The following NOS1AP variants were observed in gnomAD, a reference collection of about 807,000 sequenced individuals.
NOS1AP encodes the protein carboxyl-terminal PDZ ligand of neuronal nitric oxide synthase protein.
A neutral mutation model predicts 56.2 loss-of-function variants in NOS1AP; 21 were observed. That is an observed-to-expected ratio of 0.37 (90% CI 0.26 to 0.54). NOS1AP has a LOEUF of 0.54. Ranked by LOEUF, NOS1AP falls within the 20% of genes least tolerant of loss-of-function variation. The probability of loss-of-function intolerance (pLI) is 0.84; values close to 1 mark genes in which losing one functional copy is unlikely to be tolerated. For synonymous variants in NOS1AP, 270 were observed against 274.6 expected, an observed-to-expected ratio of 0.98 and a Z score of 0.17; for missense variants, 522 against 657.8, an observed-to-expected ratio of 0.79 and a Z score of 2.26.
chr1:162,214,532 AT>A lies in NOS1AP; in HGVS notation c.177+60065del, dbSNP rs560618867. Among the ~76,000 whole-genome samples the A allele has an allele frequency of 4.2e-3, 632 of 151,550 alleles. 3 individuals carry two copies. The highest frequency in any genetic ancestry group is 0.015 in the African/African-American group (607 of 41,288). ...TCTGAGTTTTGATTTTCCCTTCATA[AT>A]TTTTTTTTCTGTTCAAAAATAATTC... On this transcript the variant is annotated intron_variant, in intron 2 of 9. Coordinates refer to ENST00000361897, the MANE Select transcript of NOS1AP (RefSeq NM_014697.3).
intron 1 of NOS1AP, among the ~76,000 whole-genome samples, chr1:162,090,385 C>T (rs1692105651): frequency 6.8e-6 from 1 of 147,918 alleles, no homozygotes. Context: ...AAAAAAAAGT[C>T]TGAGAATTTT....
chr1:162,168,636 G>A (rs1206550911), intron 2 of NOS1AP, among the ~76,000 whole-genome samples: 7 of 151,372 alleles, frequency 4.6e-5, no homozygotes, highest in Non-Finnish European at 1.0e-4. Context: ...CTTGTGGGCA[G>A]GGGGGTGTGT....
At chr1:162,344,072 T>G in intron 6 of NOS1AP, 96 bp downstream of exon 6, 3 of 1,341,652 alleles carry the variant, frequency 2.2e-6, no homozygotes, top group Non-Finnish European at 3.2e-6. Context: ...GTGAACTCAT[T>G]TTAAGAAACA....
chr1:162,298,534 A>G (rs1207422543), intron 3 of NOS1AP, among the ~76,000 whole-genome samples: 1 of 152,236 alleles, frequency 6.6e-6, no homozygotes, highest in Non-Finnish European at 1.5e-5. Context: ...TTCTGGGGGT[A>G]ATAAGGTGGC....
At chr1:162,306,968 A>G (rs1384672558) in intron 4 of NOS1AP, among the ~76,000 whole-genome samples, 1 of 152,176 alleles carries the variant, frequency 6.6e-6, no homozygotes, top group Non-Finnish European at 1.5e-5. Context: ...TGTCTCAAAA[A>G]AAAAAAAAAT....
chr1:162,117,185 C>T (rs1046077617), intron 1 of NOS1AP, among the ~76,000 whole-genome samples: 1 of 152,102 alleles, frequency 6.6e-6, no homozygotes, highest in Non-Finnish European at 1.5e-5. Context: ...GACAGGAGCT[C>T]ATTTTATGCA....
rs75782790 is a variant in NOS1AP at position 162,181,262 on chromosome 1, G to A, written c.177+26786G>A. ...GGATTTGAATATCTTTGAATATTAA[G>A]ACACACCTTTGAGAAAATGAAAGCT... On this transcript the variant is annotated intron_variant, in intron 2 of 9. Transcript: ENST00000361897. Among the ~76,000 whole-genome samples, 1,191 of 152,288 alleles carry A rather than the reference G, an allele frequency of 7.8e-3. 5 individuals are homozygous for A. Among genetic ancestry groups the A allele is most frequent in the Non-Finnish European group, 0.013 (900 of 68,020 alleles).
At chr1:162,090,158 T>TA (rs1340290590) in intron 1 of NOS1AP, among the ~76,000 whole-genome samples, 1 of 151,890 alleles carries the variant, frequency 6.6e-6, no homozygotes, top group Non-Finnish European at 1.5e-5. Flanking sequence ...TGATTTTTTT[T>TA]TTCTGAATGT....
At chr1:162,305,043 T>A (rs1470929561) in intron 4 of NOS1AP, among the ~76,000 whole-genome samples, 1 of 152,198 alleles carries the variant, frequency 6.6e-6, no homozygotes, top group African/African-American at 2.4e-5. Flanking sequence ...AATGAATTTT[T>A]AATTTTTTAT....
At chr1:162,217,991 G>A (rs1557836630) in intron 2 of NOS1AP, among the ~76,000 whole-genome samples, 1 of 152,176 alleles carries the variant, frequency 6.6e-6, no homozygotes, top group East Asian at 1.9e-4. Context: ...AGGCAGTGCT[G>A]TTCTTCTTGC....
intron 4 of NOS1AP, among the ~76,000 whole-genome samples, chr1:162,316,119 G>A (rs1218184366): frequency 6.6e-6 from 1 of 152,120 alleles, no homozygotes; most frequent in Non-Finnish European, 1.5e-5. Flanking sequence ...ATGAACGAAC[G>A]AATGAATGAA....
chr1:162,210,758 G>A (rs1652325161), intron 2 of NOS1AP, among the ~76,000 whole-genome samples: 1 of 152,220 alleles, frequency 6.6e-6, no homozygotes, highest in Admixed American at 6.5e-5. Flanking sequence ...ATTTGCTCTG[G>A]TTGGCAGGGC....
At chr1:162,194,268 T>C (rs1302798599) in intron 2 of NOS1AP, among the ~76,000 whole-genome samples, 1 of 152,110 alleles carries the variant, frequency 6.6e-6, no homozygotes, top group African/African-American at 2.4e-5. Flanking sequence ...ATTACTACTT[T>C]AATAGAGCAG....
chr1:162,091,980 T>A (rs1222503735), intron 1 of NOS1AP, among the ~76,000 whole-genome samples: 1 of 152,128 alleles, frequency 6.6e-6, no homozygotes, highest in Non-Finnish European at 1.5e-5. Context: ...ACCTCAGAGA[T>A]CACCTCTGAG....
intron 6 of NOS1AP, among the ~76,000 whole-genome samples, chr1:162,348,409 C>T (rs1210615565): frequency 6.6e-6 from 1 of 152,242 alleles, no homozygotes; most frequent in East Asian, 1.9e-4. Flanking sequence ...AGTGTGGTCA[C>T]ACTCCTTGAT....
rs76405606 is a variant in NOS1AP, at chr1:162,190,711, T to C, written c.177+36235T>C. Among the ~76,000 whole-genome samples, 428 of 152,314 alleles carry C rather than the reference T, an allele frequency of 2.8e-3. 3 individuals are homozygous for C. The highest frequency in any genetic ancestry group is 9.8e-3 in the African/African-American group (407 of 41,566). Reference sequence around the variant, plus strand: ...GGAGAAGTCTGGGACTTAGTCCTCCTATGTAGCGTAATTTTGTATCCTTTG... The same window carrying C: ...GGAGAAGTCTGGGACTTAGTCCTCCCATGTAGCGTAATTTTGTATCCTTTG... On this transcript the variant is annotated intron_variant, in intron 2 of 9. Coordinates refer to ENST00000361897, the MANE Select transcript of NOS1AP (RefSeq NM_014697.3).
At chr1:162,331,563 T>C (rs1167318291) in intron 4 of NOS1AP, among the ~76,000 whole-genome samples, 3 of 152,208 alleles carry the variant, frequency 2.0e-5, no homozygotes, top group Non-Finnish European at 4.4e-5. Context: ...TTTTAGTAAG[T>C]GGCAAAGTCG....
intron 8 of NOS1AP, chr1:162,360,792 G>A (rs1657873921): frequency 2.2e-6 from 1 of 456,342 alleles, no homozygotes; most frequent in Non-Finnish European, 4.4e-6. Flanking sequence ...AGCGGCGCCT[G>A]CCTCTGCTTC....
chr1:162,299,164 T>C (rs1283644039), intron 3 of NOS1AP, among the ~76,000 whole-genome samples: 3 of 152,192 alleles, frequency 2.0e-5, no homozygotes, highest in African/African-American at 7.2e-5. Context: ...AGTGCATCAG[T>C]TGGAAAGCAG....
Sources: allele counts gnomAD v4.1 joint callset (sites outside exome capture counted in the v4.1 genomes callset), GRCh38; gene constraint gnomAD v4.1.1; transcripts MANE v1.5; gene names NCBI Gene and HGNC (gene_info 2026-07-23, HGNC 2026-07-21).